The following KMT2C variants were observed in gnomAD, a reference collection of about 807,000 sequenced individuals.
The protein encoded by KMT2C is histone-lysine N-methyltransferase 2C.
KMT2C carries 88 observed loss-of-function variants against 507.9 expected under a neutral mutation model. The ratio of observed to expected loss-of-function variants is 0.17; its 90% CI spans 0.15 to 0.21. KMT2C has a LOEUF of 0.21. Ranked by LOEUF, KMT2C falls within the 10% of genes least tolerant of loss-of-function variation. KMT2C has a pLI of 1.00. For missense variants in KMT2C, 4,954 were observed against 5,957.8 expected, an observed-to-expected ratio of 0.83 and a Z score of 5.55; for synonymous variants, 2,049 against 2,080.8, an observed-to-expected ratio of 0.98 and a Z score of 0.42.
chr7:152,287,359 G>T (rs1282092572), intron 6 of KMT2C, among the ~76,000 whole-genome samples: 2 of 152,140 alleles, frequency 1.3e-5, no homozygotes, highest in African/African-American at 4.8e-5. Context: ...TGTAATGCAA[G>T]TCCAGAGTTT....
chr7:152,174,063 T>C (rs1238263569), intron 39 of KMT2C, 68 bp downstream of exon 39: 2 of 840,740 alleles, frequency 2.4e-6, no homozygotes, highest in Admixed American at 2.4e-5. Flanking sequence ...GTATGTTTTT[T>C]CTAAAAACTA....
Position 152,182,192 on chromosome 7 carries a change from G to C in KMT2C, c.5668C>G (p.Arg1890Gly), listed in dbSNP as rs956673837. The C allele has an allele frequency of 1.1e-5, 17 of 1,614,056 alleles. No homozygotes were observed. Among genetic ancestry groups the C allele is most frequent in the Non-Finnish European group, 1.4e-5 (16 of 1,180,036 alleles). Residue 1890 changes from arginine (R) to glycine (G), a missense_variant, in exon 36 of 59, where the codon CGA (arginine) becomes GGA (glycine). Arg to Gly is a moderately radical substitution (Grantham distance 125). Around this residue, in one of 29 missense-constraint regions of KMT2C, gnomAD observed 1,689 missense variants for 1,654.3 expected, o/e 1.02. Transcript: ENST00000262189. Reference sequence around the variant, plus strand: ...TATGGATCCATTGGAGATGGTGGTCGTGAGTTAGAGGACCCAGGTGAAAAC... The same window carrying C: ...TATGGATCCATTGGAGATGGTGGTCCTGAGTTAGAGGACCCAGGTGAAAAC... ...QVFSPGSSNSRPPSPMDPYAK... is the reference protein window; with the variant it reads ...QVFSPGSSNSGPPSPMDPYAK...
At chr7:152,204,537 C>T (rs2094239715) in intron 25 of KMT2C, among the ~76,000 whole-genome samples, 1 of 151,878 alleles carries the variant, frequency 6.6e-6, no homozygotes, top group Non-Finnish European at 1.5e-5. Context: ...TGCAAGGCTG[C>T]AGTGACCCAT....
chr7:152,230,778 C>T (rs571613223), intron 16 of KMT2C, among the ~76,000 whole-genome samples: 19 of 152,200 alleles, frequency 1.2e-4, no homozygotes, highest in African/African-American at 3.1e-4. Flanking sequence ...ATATATCGGT[C>T]GAAATGGAAG....
intron 43 of KMT2C, 88 bp downstream of exon 43, chr7:152,162,029 T>A: frequency 1.5e-6 from 2 of 1,369,570 alleles, no homozygotes; most frequent in South Asian, 2.1e-5. Context: ...TGTAGAATAA[T>A]GTGGAAATAC....
chr7:152,245,916 A>G (rs1312757495), intron 14 of KMT2C, among the ~76,000 whole-genome samples: 1 of 152,216 alleles, frequency 6.6e-6, no homozygotes, highest in Non-Finnish European at 1.5e-5. Flanking sequence ...TTACATCACA[A>G]TCACAGCCAG....
In KMT2C at chr7:152,144,276, C is replaced by G. The variant is rs903919385; in HGVS notation, c.14343+437G>C. Among the ~76,000 whole-genome samples the G allele has an allele frequency of 6.6e-6, 1 of 152,186 alleles. No homozygotes were observed. The highest frequency in any genetic ancestry group is 1.5e-5 in the Non-Finnish European group (1 of 68,020). Reference sequence around the variant, plus strand: ...ACACGGCCTTACTTGTAAGATAGTCCACAGTCTACCAAAAAACATGCACTG... The same window carrying G: ...ACACGGCCTTACTTGTAAGATAGTCGACAGTCTACCAAAAAACATGCACTG... On this transcript the variant is annotated intron_variant, in intron 55 of 58. Coordinates refer to ENST00000262189, the MANE Select transcript of KMT2C (RefSeq NM_170606.3). The surrounding 1 kb of genome is among the most constrained non-coding windows in gnomAD (Gnocchi z 4.4).
intron 3 of KMT2C, among the ~76,000 whole-genome samples, chr7:152,325,526 T>C (rs1589201499): frequency 6.6e-6 from 1 of 151,712 alleles, no homozygotes; most frequent in Non-Finnish European, 1.5e-5. Flanking sequence ...AGTGGCAGGA[T>C]CACAGCTCAC....
intron 1 of KMT2C, among the ~76,000 whole-genome samples, chr7:152,427,618 T>C (rs2097831469): frequency 6.6e-6 from 1 of 152,208 alleles, no homozygotes; most frequent in African/African-American, 2.4e-5. Flanking sequence ...TATGTATATG[T>C]TGTCCATTTG....
chr7:152,287,112 C>T lies in KMT2C; in HGVS notation c.850-13245G>A, dbSNP rs1418142734. ...CATTCATACCCACTGAGCAGTAACG[C>T]GGCTTCCTCCCTCTAGAGTGTGGGT... On this transcript the variant is annotated intron_variant, in intron 6 of 58. Coordinates refer to ENST00000262189, the MANE Select transcript of KMT2C (RefSeq NM_170606.3). 1.1e-4 allele frequency among the ~76,000 whole-genome samples: 16 copies of T among 152,248 alleles called. No homozygotes were observed. The South Asian group carries it at 1.9e-3, about 18-fold the overall frequency.
At position 152,224,334 on chromosome 7, in the gene KMT2C, T is replaced by C. The variant is rs540307222; in HGVS notation, c.3158+101A>G. On this transcript the variant is annotated intron_variant, in intron 19 of 58. Transcript: ENST00000262189. ...ACTGGTATCTATCATAGAATATGTGTATTATTCAATTAAATAGGTGTGGCT... is the reference window on the plus strand; with the variant it reads ...ACTGGTATCTATCATAGAATATGTGCATTATTCAATTAAATAGGTGTGGCT... 3.8e-6 allele frequency: 5 copies of C among 1,299,398 alleles called. No individual in the cohort carries two copies. The East Asian group carries it at 9.4e-5, about 24-fold the overall frequency. The allele number at this position is 1,299,398 out of a possible 1,614,324, so 80.5% of individuals were successfully genotyped here.
intron 15 of KMT2C, among the ~76,000 whole-genome samples, chr7:152,236,714 C>A (rs1356838787): frequency 6.6e-6 from 1 of 152,124 alleles, no homozygotes; most frequent in East Asian, 1.9e-4. Flanking sequence ...ATTTTTGAGA[C>A]AAGAACTTGC....
intron 2 of KMT2C, among the ~76,000 whole-genome samples, chr7:152,345,312 A>T (rs1404366276): frequency 6.6e-6 from 1 of 151,974 alleles, no homozygotes; most frequent in African/African-American, 2.4e-5. Flanking sequence ...TGGGAGGCTG[A>T]GCACAGGTAG....
chr7:152,299,149 C>G (rs1272431224), intron 6 of KMT2C, among the ~76,000 whole-genome samples: 1 of 151,756 alleles, frequency 6.6e-6, no homozygotes, highest in Non-Finnish European at 1.5e-5. Context: ...GAAACCCCGT[C>G]TCTACTAAAA....
At position 152,255,803 on chromosome 7, in the gene KMT2C, C is replaced by T. The variant is rs2095651468; in HGVS notation, c.1300-3088G>A. ...AATGGTTTTTAGAAAACTGAATAGCCAGTTGGAAAAAGATACTCACATCAT... is the reference window on the plus strand; with the variant it reads ...AATGGTTTTTAGAAAACTGAATAGCTAGTTGGAAAAAGATACTCACATCAT... On this transcript the variant is annotated intron_variant, in intron 9 of 58. Coordinates refer to ENST00000262189, the MANE Select transcript of KMT2C (RefSeq NM_170606.3). 1.3e-5 allele frequency among the ~76,000 whole-genome samples: 2 copies of T among 152,074 alleles called. 1 individual carries two copies. The highest frequency in any genetic ancestry group is 1.3e-4 in the Admixed American group (2 of 15,254).
At chr7:152,248,933 T>C (rs1298055973) in intron 13 of KMT2C, among the ~76,000 whole-genome samples, 4 of 152,158 alleles carry the variant, frequency 2.6e-5, no homozygotes, top group Admixed American at 2.6e-4. Context: ...TTATGTGAGG[T>C]ACCTAAGTTA....
chr7:152,251,842 A>C, intron 11 of KMT2C, 97 bp downstream of exon 11: 2 of 729,506 alleles, frequency 2.7e-6, no homozygotes, highest in Non-Finnish European at 4.1e-6. Flanking sequence ...TCTGGAATAC[A>C]GGATCCTCTC....
chr7:152,222,345 T>C (rs1478358935), intron 21 of KMT2C, among the ~76,000 whole-genome samples: 8 of 152,354 alleles, frequency 5.3e-5, no homozygotes, highest in Admixed American at 3.9e-4. Context: ...AGCAAAATTA[T>C]AGTTTACATC....
chr7:152,140,364 T>C (rs2090399425), intron 55 of KMT2C, among the ~76,000 whole-genome samples: 1 of 152,146 alleles, frequency 6.6e-6, no homozygotes, highest in African/African-American at 2.4e-5. Context: ...TTTTCACTAA[T>C]ACAAAATTCT....
Sources: allele counts gnomAD v4.1 joint callset (sites outside exome capture counted in the v4.1 genomes callset), GRCh38; gene constraint gnomAD v4.1.1; regional missense constraint gnomAD v4.1.1; non-coding constraint Gnocchi (gnomAD v3.1); transcripts MANE v1.5; gene names NCBI Gene and HGNC (gene_info 2026-07-23, HGNC 2026-07-21).